The following ADGRL2 variants were observed in gnomAD, a reference collection of about 807,000 sequenced individuals.
ADGRL2 encodes the protein adhesion G protein-coupled receptor L2.
In ADGRL2, 44 loss-of-function variants were observed where a neutral mutation model predicts 157.4. The observed-to-expected ratio is 0.28, with a 90% CI of 0.22 to 0.36. The LOEUF (loss-of-function observed/expected upper bound fraction) is 0.36, where lower values mean the gene tolerates loss of function less well. Among genes scored for constraint, ADGRL2 ranks in the 10% least tolerant of loss-of-function variants. The probability of loss-of-function intolerance (pLI) is 1.00; values close to 1 mark genes in which losing one functional copy is unlikely to be tolerated. For synonymous variants in ADGRL2, 585 were observed against 624.7 expected, an observed-to-expected ratio of 0.94 and a Z score of 0.95; for missense variants, 1,510 against 1,768.9, an observed-to-expected ratio of 0.85 and a Z score of 2.63.
intron 2 of ADGRL2, among the ~76,000 whole-genome samples, chr1:81,777,532 AG>A (rs1437824513): frequency 2.6e-5 from 4 of 152,168 alleles, no homozygotes; most frequent in African/African-American, 9.7e-5. Context: ...GCACTTTGGG[AG>A]GCAGAGGCAG....
chr1:81,552,085 C>T (rs1035845908), intron 2 of ADGRL2, among the ~76,000 whole-genome samples: 2 of 152,094 alleles, frequency 1.3e-5, no homozygotes, highest in African/African-American at 4.8e-5. Context: ...CCCTCTCTGG[C>T]TCTTGCAGCA....
intron 2 of ADGRL2, among the ~76,000 whole-genome samples, chr1:81,523,787 G>A (rs1414767334): frequency 1.3e-5 from 2 of 152,178 alleles, no homozygotes; most frequent in Non-Finnish European, 2.9e-5. Context: ...AATCGGGCCT[G>A]GTACGGTGGC....
At chr1:81,561,536 C>T (rs1357532325) in intron 2 of ADGRL2, among the ~76,000 whole-genome samples, 1 of 150,728 alleles carries the variant, frequency 6.6e-6, no homozygotes, top group African/African-American at 2.4e-5. Context: ...TCTTGTCTCA[C>T]TGCAACCACA....
chr1:81,590,173 G>A (rs1220194219), intron 3 of ADGRL2, among the ~76,000 whole-genome samples: 1 of 152,148 alleles, frequency 6.6e-6, no homozygotes, highest in Non-Finnish European at 1.5e-5. Context: ...TGGAGACCCA[G>A]CATCTCCGTC....
chr1:81,824,347 T>C (rs2091270240), intron 1 of ADGRL2, among the ~76,000 whole-genome samples: 1 of 152,188 alleles, frequency 6.6e-6, no homozygotes, highest in Non-Finnish European at 1.5e-5. Context: ...TGATCATAGC[T>C]CACTGTAGCG....
At chr1:81,455,897 T>C (rs942574623) in intron 2 of ADGRL2, among the ~76,000 whole-genome samples, 1 of 152,262 alleles carries the variant, frequency 6.6e-6, no homozygotes, top group African/African-American at 2.4e-5. Flanking sequence ...TGGTGAATTT[T>C]TGATATTTAG....
intron 3 of ADGRL2, among the ~76,000 whole-genome samples, chr1:81,621,066 T>C (rs1371888289): frequency 6.6e-6 from 1 of 152,200 alleles, no homozygotes; most frequent in Admixed American, 6.5e-5. Context: ...ATGGTGCTTT[T>C]GCTATATATG....
intron 2 of ADGRL2, among the ~76,000 whole-genome samples, chr1:81,893,306 TA>T (rs2094309058): frequency 1.3e-5 from 2 of 152,042 alleles, no homozygotes; most frequent in Admixed American, 1.3e-4. Flanking sequence ...TTTTGTGACT[TA>T]TCAATCCTGT....
At chr1:81,826,284 T>G (rs2091474650) in intron 1 of ADGRL2, among the ~76,000 whole-genome samples, 1 of 152,226 alleles carries the variant, frequency 6.6e-6, no homozygotes, top group Non-Finnish European at 1.5e-5. Context: ...AGTTAGCAAT[T>G]GAAGGTTATA....
intron 2 of ADGRL2, among the ~76,000 whole-genome samples, chr1:81,482,736 A>T (rs2078415755): frequency 6.6e-6 from 1 of 152,018 alleles, no homozygotes; most frequent in Admixed American, 6.6e-5. Context: ...AATGTAAGAT[A>T]ATTTCTTCCT....
At chr1:81,818,852 T>A (rs1048738163) in intron 1 of ADGRL2, among the ~76,000 whole-genome samples, 1 of 152,164 alleles carries the variant, frequency 6.6e-6, no homozygotes, top group Non-Finnish European at 1.5e-5. Flanking sequence ...ACCCCATTTA[T>A]TTAGAACTGA....
At chr1:81,738,701 A>G (rs1008763347) in intron 1 of ADGRL2, among the ~76,000 whole-genome samples, 1 of 152,180 alleles carries the variant, frequency 6.6e-6, no homozygotes, top group Non-Finnish European at 1.5e-5. Flanking sequence ...TGAAACTGAA[A>G]TGTGGTGTGA....
intron 2 of ADGRL2, among the ~76,000 whole-genome samples, chr1:81,532,968 C>T (rs2079640308): frequency 6.7e-6 from 1 of 149,814 alleles, no homozygotes; most frequent in African/African-American, 2.4e-5. Context: ...ATCTATCTAT[C>T]TATCATCTAT....
At chr1:81,906,202 T>C (rs2094581674) in intron 2 of ADGRL2, among the ~76,000 whole-genome samples, 1 of 152,192 alleles carries the variant, frequency 6.6e-6, no homozygotes, top group South Asian at 2.1e-4. Context: ...TGAAGATTTC[T>C]GAGTTCCAGG....
intron 3 of ADGRL2, chr1:81,625,744 C>T (rs905438694): frequency 6.6e-6 from 1 of 152,094 alleles, no homozygotes; most frequent in Non-Finnish European, 1.5e-5. Flanking sequence ...TTGTGGTGCT[C>T]TTACCTAGAA....
At chr1:81,908,358 T>C (rs192895526) in intron 3 of ADGRL2, among the ~76,000 whole-genome samples, 22 of 152,340 alleles carry the variant, frequency 1.4e-4, no homozygotes, top group Admixed American at 1.3e-3. Context: ...GCCACAGATA[T>C]TTTCCAGATT....
chr1:81,569,927 A>G (rs2080648398), intron 2 of ADGRL2, among the ~76,000 whole-genome samples: 1 of 152,308 alleles, frequency 6.6e-6, no homozygotes, highest in East Asian at 1.9e-4. Context: ...CCTCACTCAC[A>G]TGGGTATTGG....
chr1:81,365,153 G>A (rs964555552), intron 1 of ADGRL2, among the ~76,000 whole-genome samples: 1 of 152,126 alleles, frequency 6.6e-6, no homozygotes, highest in African/African-American at 2.4e-5. Context: ...CCATCAAAGA[G>A]GAGTCCAAAT....
intron 1 of ADGRL2, among the ~76,000 whole-genome samples, chr1:81,442,502 A>C (rs1049573696): frequency 6.6e-6 from 1 of 152,228 alleles, no homozygotes; most frequent in African/African-American, 2.4e-5. Flanking sequence ...AGCATTTTCA[A>C]CCATAGCCTA....
Sources: allele counts gnomAD v4.1 joint callset (sites outside exome capture counted in the v4.1 genomes callset), GRCh38; gene constraint gnomAD v4.1.1; transcripts MANE v1.5; gene names NCBI Gene and HGNC (gene_info 2026-07-23, HGNC 2026-07-21).